Variants in ZNF808 observed in about 807,000 individuals in gnomAD.
ZNF808 encodes zinc finger protein 808.
Under a neutral mutation model 8.7 loss-of-function variants are expected in ZNF808, and 5 were observed. The observed-to-expected ratio is 0.58, with a 90% CI of 0.30 to 1.21. The LOEUF is 1.21. ZNF808 is among the 50% of genes most tolerant of loss of function. The pLI is 0.07. For synonymous variants in ZNF808, 380 were observed against 366.0 expected, an observed-to-expected ratio of 1.04 and a Z score of -0.44; for missense variants, 1,103 against 1,098.4, an observed-to-expected ratio of 1.00 and a Z score of -0.06.
chr19:52,561,210 C>A (rs201952020), downstream of ZNF808, among the ~76,000 whole-genome samples: 2,694 of 27,392 alleles, frequency 0.098, 31 homozygotes, highest in Non-Finnish European at 0.11. Flanking sequence ...CTCTCTCTCT[C>A]TCTATATATA....
intron 2 of ZNF808, among the ~76,000 whole-genome samples, chr19:52,536,550 C>T (rs563167129): frequency 7.2e-5 from 11 of 152,282 alleles, no homozygotes; most frequent in Admixed American, 1.3e-4. Flanking sequence ...TTCTTCCCTT[C>T]GCAGTCACCG....
Position 52,554,334 on chromosome 19 carries a change from A to G in ZNF808, c.1418A>G (p.His473Arg), listed in dbSNP as rs1168857115. The G allele has an allele frequency of 3.1e-6, 5 of 1,614,040 alleles. No individual in the cohort carries two copies. Among genetic ancestry groups the G allele is most frequent in the East Asian group, 2.2e-5 (1 of 44,870 alleles). ...AFTCNSQLARHRRIHTGEKTY... is the reference protein window; with the variant it reads ...AFTCNSQLARRRRIHTGEKTY... Reference sequence around the variant, plus strand: ...ACGTGTAATTCACAGCTGGCACGACATAGAAGAATTCACACTGGAGAGAAA... The same window carrying G: ...ACGTGTAATTCACAGCTGGCACGACGTAGAAGAATTCACACTGGAGAGAAA... Residue 473 changes from histidine (H) to arginine (R), a missense_variant, in exon 5 of 5, where the codon CAT (histidine) becomes CGT (arginine). His to Arg is a conservative substitution (Grantham distance 29). Transcript: ENST00000359798.
At chr19:52,564,231 A>G in exon 4 of ZNF808, 1 of 928,216 alleles carries the variant, frequency 1.1e-6, no homozygotes, top group East Asian at 2.5e-5. Context: ...TGGGTCTATA[A>G]GGAATTGCAC....
chr19:52,540,633 C>T (rs2059661415), intron 2 of ZNF808, among the ~76,000 whole-genome samples: 1 of 151,920 alleles, frequency 6.6e-6, no homozygotes, highest in South Asian at 2.1e-4. Flanking sequence ...CTGTGAGCTT[C>T]TAAGTAAGTG....
chr19:52,544,787 A>G (rs1261075891), intron 3 of ZNF808, among the ~76,000 whole-genome samples: 1 of 151,942 alleles, frequency 6.6e-6, no homozygotes, highest in Non-Finnish European at 1.5e-5. Flanking sequence ...GCTTGGCTGG[A>G]CTCTGCACAT....
downstream of ZNF808, among the ~76,000 whole-genome samples, chr19:52,558,249 T>C (rs1210168645): frequency 6.7e-6 from 1 of 150,082 alleles, no homozygotes; most frequent in Non-Finnish European, 1.5e-5. Context: ...CCGCGCCTTG[T>C]ATTTTTAGTA....
intron 1 of ZNF808, 99 bp downstream of exon 1, chr19:52,527,810 C>G (rs1310167167): frequency 6.6e-6 from 1 of 152,664 alleles, no homozygotes; most frequent in East Asian, 1.9e-4. Flanking sequence ...AAATTCTCGC[C>G]CGTCTTCCTT....
intron 1 of ZNF808, among the ~76,000 whole-genome samples, chr19:52,528,264 G>T (rs2059528642): frequency 2.0e-5 from 3 of 152,114 alleles, no homozygotes; most frequent in Non-Finnish European, 4.4e-5. Context: ...AGGACGCAGG[G>T]CCCTGTCCTG....
intron 1 of ZNF808, among the ~76,000 whole-genome samples, chr19:52,528,190 C>G (rs887297233): frequency 6.6e-6 from 1 of 152,154 alleles, no homozygotes; most frequent in Non-Finnish European, 1.5e-5. Flanking sequence ...CTACTCGTGC[C>G]AGAGCCTGCG....
intron 2 of ZNF808, among the ~76,000 whole-genome samples, chr19:52,535,631 C>T (rs879878810): frequency 5.2e-4 from 79 of 152,298 alleles, no homozygotes; most frequent in Admixed American, 7.2e-4. Context: ...CAGGGTGGAC[C>T]CTCCCTCCTG....
intron 1 of ZNF808, among the ~76,000 whole-genome samples, chr19:52,529,460 C>T (rs1383114592): frequency 3.3e-5 from 5 of 152,156 alleles, no homozygotes; most frequent in Non-Finnish European, 2.9e-5. Context: ...GACATGTTGA[C>T]TTCCCTGTAT....
chr19:52,536,816 G>A (rs1311059878), intron 2 of ZNF808, among the ~76,000 whole-genome samples: 2 of 152,138 alleles, frequency 1.3e-5, no homozygotes, highest in South Asian at 2.1e-4. Context: ...AGGGAGAGCA[G>A]AGGAGACGCA....
At chr19:52,536,373 C>T (rs2059611465) in intron 2 of ZNF808, among the ~76,000 whole-genome samples, 1 of 152,148 alleles carries the variant, frequency 6.6e-6, no homozygotes, top group Admixed American at 6.5e-5. Flanking sequence ...CCGCCCTGGG[C>T]GCCTCCCAGC....
At chr19:52,538,601 G>C (rs999661772) in intron 2 of ZNF808, among the ~76,000 whole-genome samples, 1 of 147,028 alleles carries the variant, frequency 6.8e-6, no homozygotes, top group Non-Finnish European at 1.5e-5. Flanking sequence ...GTACTTCAGC[G>C]TGGGCAATAA....
chr19:52,534,862 A>G (rs1439601264), intron 2 of ZNF808, among the ~76,000 whole-genome samples: 1 of 152,144 alleles, frequency 6.6e-6, no homozygotes, highest in Non-Finnish European at 1.5e-5. Flanking sequence ...GCACCCCAGC[A>G]TGGGCCACAG....
chr19:52,567,803 G>C (rs2059876589), downstream of ZNF808, among the ~76,000 whole-genome samples: 1 of 152,004 alleles, frequency 6.6e-6, no homozygotes, highest in South Asian at 2.1e-4. Flanking sequence ...GGGATTACAG[G>C]CTTGAGCCAC....
downstream of ZNF808, among the ~76,000 whole-genome samples, chr19:52,559,922 A>G (rs577467167): frequency 1.6e-4 from 24 of 152,256 alleles, no homozygotes; most frequent in African/African-American, 5.5e-4. Flanking sequence ...GCATGAATAC[A>G]TGGATGGATA....
intron 2 of ZNF808, among the ~76,000 whole-genome samples, chr19:52,536,272 A>C (rs913405784): frequency 6.6e-6 from 1 of 151,966 alleles, no homozygotes; most frequent in African/African-American, 2.4e-5. Flanking sequence ...CAGTGTATAC[A>C]CTTCCTGTCG....
At chr19:52,557,412 G>A (rs752104347), downstream of ZNF808, among the ~76,000 whole-genome samples, 7 of 151,936 alleles carry the variant, frequency 4.6e-5, no homozygotes, top group Non-Finnish European at 1.0e-4. Flanking sequence ...GATTACAGGT[G>A]CCCTCCACCA....
Sources: allele counts gnomAD v4.1 joint callset (sites outside exome capture counted in the v4.1 genomes callset), GRCh38; gene constraint gnomAD v4.1.1; transcripts MANE v1.5; gene names NCBI Gene and HGNC (gene_info 2026-07-23, HGNC 2026-07-21).